SLIT3: variants seen among roughly 807,000 people sequenced by gnomAD.
SLIT3 encodes slit guidance ligand 3, also known as slit homolog 3 protein.
In SLIT3, 68 loss-of-function variants were observed where a neutral mutation model predicts 184.0. The ratio of observed to expected loss-of-function variants is 0.37; its 90% CI spans 0.30 to 0.45. The LOEUF is 0.45. Ranked by LOEUF, SLIT3 falls within the 20% of genes least tolerant of loss-of-function variation. The pLI is 1.00. For missense variants in SLIT3, 1,707 were observed against 2,026.0 expected, an observed-to-expected ratio of 0.84 and a Z score of 3.02; for synonymous variants, 831 against 828.6, an observed-to-expected ratio of 1.00 and a Z score of -0.05.
At chr5:168,795,102 G>C (rs1241091464) in intron 10 of SLIT3, among the ~76,000 whole-genome samples, 1 of 152,178 alleles carries the variant, frequency 6.6e-6, no homozygotes, top group African/African-American at 2.4e-5. Context: ...ATGTATGCCT[G>C]GTTGGAGGGA....
chr5:168,805,646 G>A (rs938646714), intron 9 of SLIT3, among the ~76,000 whole-genome samples: 1 of 152,146 alleles, frequency 6.6e-6, no homozygotes. Flanking sequence ...ACATTTTACT[G>A]GAATTTTTGA....
chr5:168,746,021 T>C (rs1198652831), intron 20 of SLIT3, among the ~76,000 whole-genome samples: 2 of 152,246 alleles, frequency 1.3e-5, no homozygotes, highest in Admixed American at 6.5e-5. Context: ...ACATTGGTTT[T>C]TTTCCAACAC....
At chr5:169,056,037 T>C (rs1163327892) in intron 4 of SLIT3, among the ~76,000 whole-genome samples, 1 of 152,038 alleles carries the variant, frequency 6.6e-6, no homozygotes, top group African/African-American at 2.4e-5. Flanking sequence ...TCCTTGAATA[T>C]AGATTATAGA....
intron 3 of SLIT3, among the ~76,000 whole-genome samples, chr5:169,217,325 T>A (rs1764472273): frequency 6.6e-6 from 1 of 152,068 alleles, no homozygotes; most frequent in Non-Finnish European, 1.5e-5. Context: ...CACTCTCCAC[T>A]TGTAAGCAGG....
At chr5:168,786,307 A>G (rs1358766338) in intron 11 of SLIT3, among the ~76,000 whole-genome samples, 3 of 152,204 alleles carry the variant, frequency 2.0e-5, no homozygotes, top group Non-Finnish European at 2.9e-5. Context: ...CACCCCAGCA[A>G]TAAATACACT....
chr5:168,785,772 G>A (rs1323445344), intron 12 of SLIT3, 135 bp downstream of exon 12: 7 of 661,464 alleles, frequency 1.1e-5, no homozygotes, highest in African/African-American at 3.6e-5. Context: ...GAGGTGAAGC[G>A]TGGACAGCTC....
At chr5:169,015,931 A>AACACACACACACAC (rs3138760) in intron 4 of SLIT3, among the ~76,000 whole-genome samples, 1 of 120,286 alleles carries the variant, frequency 8.3e-6, no homozygotes, top group Non-Finnish European at 1.7e-5. Flanking sequence ...GAAAAATATA[A>AACACACACACACAC]ACACACACAC....
At chr5:169,001,041 C>T (rs1191637234) in intron 4 of SLIT3, among the ~76,000 whole-genome samples, 1 of 152,194 alleles carries the variant, frequency 6.6e-6, no homozygotes, top group South Asian at 2.1e-4. Flanking sequence ...GACAGAGGGA[C>T]ATAAATAATC....
chr5:168,774,226 T>C lies in SLIT3; in HGVS notation c.1295+9A>G, dbSNP rs1163938757. On this transcript the variant is annotated intron_variant, in intron 13 of 35. Coordinates refer to ENST00000519560, the MANE Select transcript of SLIT3 (RefSeq NM_003062.4). Reference sequence around the variant, plus strand: ...GGGCACCCACTGGCACCCGAGGCAGTGTACTCACAGTGTCTGGATGGACTG... The same window carrying C: ...GGGCACCCACTGGCACCCGAGGCAGCGTACTCACAGTGTCTGGATGGACTG... The C allele has an allele frequency of 1.9e-6, 3 of 1,592,522 alleles. No homozygotes were observed. The highest frequency in any genetic ancestry group is 1.4e-5 in the African/African-American group (1 of 74,070).
At chr5:168,945,851 C>A (rs1299404143) in intron 4 of SLIT3, among the ~76,000 whole-genome samples, 3 of 152,176 alleles carry the variant, frequency 2.0e-5, no homozygotes, top group Non-Finnish European at 4.4e-5. Flanking sequence ...TTCCACTAGG[C>A]CTGGGCCAAA....
chr5:168,897,646 G>GCGCGCGCGCGCGCGCACACACACACA, intron 4 of SLIT3, among the ~76,000 whole-genome samples: 77 of 105,444 alleles, frequency 7.3e-4, no homozygotes, highest in South Asian at 1.1e-3. Context: ...ACAGGTGCAC[G>GCGCGCGCGCGCGCGCACACACACACA]TACACACACA....
intron 12 of SLIT3, 38 bp downstream of exon 12, chr5:168,785,869 G>T: frequency 6.7e-7 from 1 of 1,488,926 alleles, no homozygotes; most frequent in South Asian, 1.1e-5. Context: ...CCTTCCGACA[G>T]TACCAAAGAC....
chr5:169,295,628 C>T (rs910904630), intron 1 of SLIT3, among the ~76,000 whole-genome samples: 4 of 152,232 alleles, frequency 2.6e-5, no homozygotes, highest in Non-Finnish European at 5.9e-5. Context: ...CTGCCCTAAC[C>T]ACGATGCTTA....
chr5:168,985,577 C>A (rs1443068534), intron 4 of SLIT3, among the ~76,000 whole-genome samples: 2 of 152,206 alleles, frequency 1.3e-5, no homozygotes, highest in Non-Finnish European at 2.9e-5. Context: ...CCACTCCTCC[C>A]TAATTTCAGT....
intron 4 of SLIT3, among the ~76,000 whole-genome samples, chr5:169,035,462 A>G (rs892951368): frequency 1.3e-5 from 2 of 152,056 alleles, no homozygotes; most frequent in Admixed American, 1.3e-4. Context: ...ATCCTGGCTC[A>G]CACGGTGAAA....
intron 5 of SLIT3, among the ~76,000 whole-genome samples, chr5:168,846,498 T>C (rs1374048851): frequency 6.6e-6 from 1 of 152,158 alleles, no homozygotes; most frequent in East Asian, 1.9e-4. Flanking sequence ...TCTAGATTTA[T>C]CATCAGCTTA....
chr5:169,193,331 A>T, intron 4 of SLIT3, 148 bp downstream of exon 4: 1 of 686,532 alleles, frequency 1.5e-6, no homozygotes, highest in South Asian at 1.6e-5. Flanking sequence ...TGTTGGGGGT[A>T]GACGTCATGT....
intron 4 of SLIT3, among the ~76,000 whole-genome samples, chr5:169,144,100 T>C (rs538104752): frequency 1.3e-5 from 2 of 152,314 alleles, no homozygotes; most frequent in South Asian, 2.1e-4. Flanking sequence ...TTTTATTTTA[T>C]GGATGGGAAA....
chr5:169,140,328 A>G (rs2113341338), intron 4 of SLIT3, among the ~76,000 whole-genome samples: 1 of 142,002 alleles, frequency 7.0e-6, no homozygotes, highest in Admixed American at 7.1e-5. Flanking sequence ...AAAAAAAAAA[A>G]AAAAAAGCCA....
Sources: gnomAD v4.1 joint callset for allele counts (sites outside exome capture counted in the v4.1 genomes callset) on GRCh38, gnomAD v4.1.1 for gene constraint, MANE v1.5 for transcripts, NCBI Gene and HGNC (gene_info 2026-07-23, HGNC 2026-07-21) for gene names.